The following USP13 variants were observed in gnomAD, a reference collection of about 807,000 sequenced individuals.
The protein encoded by USP13 is ubiquitin carboxyl-terminal hydrolase 13.
A neutral mutation model predicts 107.8 loss-of-function variants in USP13; 68 were observed. The ratio of observed to expected loss-of-function variants is 0.63; its 90% CI spans 0.52 to 0.77. The LOEUF (loss-of-function observed/expected upper bound fraction) is 0.77, where lower values mean the gene tolerates loss of function less well. USP13 is among the 30% of genes least tolerant of loss of function. The probability of loss-of-function intolerance (pLI) is 0.00; values close to 1 mark genes in which losing one functional copy is unlikely to be tolerated. For synonymous variants in USP13, 377 were observed against 389.5 expected, an observed-to-expected ratio of 0.97 and a Z score of 0.38; for missense variants, 945 against 1,093.3, an observed-to-expected ratio of 0.86 and a Z score of 1.91.
intron 1 of USP13, among the ~76,000 whole-genome samples, chr3:179,668,586 T>A (rs1346184593): frequency 6.6e-6 from 1 of 152,186 alleles, no homozygotes; most frequent in African/African-American, 2.4e-5. Context: ...AGACAAGGTC[T>A]CACTCTGTTG....
chr3:179,745,222 G>A lies in USP13; in HGVS notation c.1709+5G>A, dbSNP rs1334197197. 6.2e-7 allele frequency: 1 copy of A among 1,610,978 alleles called. No individual in the cohort carries two copies. The highest frequency in any genetic ancestry group is 1.1e-5 in the South Asian group (1 of 91,006). ...AGCAAAGTCTGCGGGTGTGAAGTAA[G>A]TGTGTGTATATGTGGTGGCAGTGGG... On this transcript the variant is annotated splice_donor_5th_base_variant and intron_variant, in intron 13 of 20. Coordinates refer to ENST00000263966, the MANE Select transcript of USP13 (RefSeq NM_003940.3).
chr3:179,718,785 A>T (rs1713197261), intron 6 of USP13, among the ~76,000 whole-genome samples: 2 of 150,908 alleles, frequency 1.3e-5, no homozygotes, highest in South Asian at 4.2e-4. Flanking sequence ...TTTTTTTGAG[A>T]TAGAGTCTCT....
At position 179,757,078 on chromosome 3, in the gene USP13, C is replaced by T. The variant is rs566223778; in HGVS notation, c.1948C>T (p.Pro650Ser). Residue 650 changes from proline (P) to serine (S), a missense_variant and splice_region_variant, in exon 16 of 21, where the codon CCA (proline) becomes TCA (serine). Pro to Ser is a moderately conservative substitution (Grantham distance 74). Coordinates refer to ENST00000263966, the MANE Select transcript of USP13 (RefSeq NM_003940.3). ...TCGCCTGATGAACCAATTGATAGACCGTATGTATCTTTAAAAATGTTTCTC... is the reference window on the plus strand; with the variant it reads ...TCGCCTGATGAACCAATTGATAGACTGTATGTATCTTTAAAAATGTTTCTC... ...KDRLMNQLID[P>S]SDIDESSVMQ... 33 of 1,613,682 alleles carry T rather than the reference C, an allele frequency of 2.0e-5. No homozygotes were observed. The highest frequency in any genetic ancestry group is 1.6e-4 in the South Asian group (15 of 91,034).
rs1048097323 is a variant in USP13 at position 179,683,243 on chromosome 3, G to T, written c.294+1240G>T. 2.7e-5 allele frequency among the ~76,000 whole-genome samples: 4 copies of T among 148,362 alleles called. No homozygotes were observed. The East Asian group carries it at 7.8e-4, about 29-fold the overall frequency. On this transcript the variant is annotated intron_variant, in intron 2 of 20. Transcript: ENST00000263966. ...ATTTCCTTTGAGTCTGTGGCTTGTC[G>T]TTTTACTTTGTTTATGAATTATTTT...
At chr3:179,687,825 G>A (rs142979989) in intron 2 of USP13, among the ~76,000 whole-genome samples, 115 of 151,938 alleles carry the variant, frequency 7.6e-4, no homozygotes, top group Middle Eastern at 3.4e-3. Flanking sequence ...AATCTCTGAT[G>A]TTTCTCCCTC....
chr3:179,769,818 C>T (rs1471118352), intron 19 of USP13, among the ~76,000 whole-genome samples: 1 of 152,340 alleles, frequency 6.6e-6, no homozygotes, highest in East Asian at 1.9e-4. Flanking sequence ...CTCCTTCCAT[C>T]CCTTCCTTCT....
At chr3:179,781,947 A>G (rs1715764615) in intron 20 of USP13, 124 bp downstream of exon 20, 1 of 838,800 alleles carries the variant, frequency 1.2e-6, no homozygotes, top group Non-Finnish European at 1.9e-6. Flanking sequence ...TGTAAAGGGT[A>G]TACTGTTAAC....
At chr3:179,727,504 T>A (rs866526758) in intron 8 of USP13, among the ~76,000 whole-genome samples, 1 of 114,150 alleles carries the variant, frequency 8.8e-6, no homozygotes, top group Non-Finnish European at 1.9e-5. Flanking sequence ...GATCAACAGG[T>A]TCCCAAGGCA....
chr3:179,713,413 A>G (rs1479293652), intron 6 of USP13, among the ~76,000 whole-genome samples: 2 of 152,194 alleles, frequency 1.3e-5, no homozygotes, highest in Admixed American at 6.5e-5. Context: ...GCTGTAACAT[A>G]TTGTTTATTT....
Position 179,653,537 on chromosome 3 carries a change from A to G in USP13, c.168+144A>G. The G allele has an allele frequency of 8.4e-7, 1 of 1,190,174 alleles. No homozygotes were observed. The highest frequency in any genetic ancestry group is 1.2e-6 in the Non-Finnish European group (1 of 866,398). The allele number at this position is 1,190,174 out of a possible 1,614,324, so 73.7% of individuals were successfully genotyped here. On this transcript the variant is annotated intron_variant, in intron 1 of 20. Coordinates refer to ENST00000263966, the MANE Select transcript of USP13 (RefSeq NM_003940.3). The surrounding 1 kb of genome is among the most constrained non-coding windows in gnomAD (Gnocchi z 4.0). ...GCTCAGGAACACTGCAGTTCGGCAG[A>G]CACTTAGTGAGCGCCCCAGGGCTGC...
intron 6 of USP13, among the ~76,000 whole-genome samples, chr3:179,715,044 T>C (rs1400988803): frequency 6.6e-6 from 1 of 151,734 alleles, no homozygotes; most frequent in East Asian, 1.9e-4. Flanking sequence ...ACTCGGCTAA[T>C]TTTTTTCCAT....
At chr3:179,752,178 C>A in intron 13 of USP13, 107 bp from the exon 14 acceptor site, 1 of 887,224 alleles carries the variant, frequency 1.1e-6, no homozygotes, top group Non-Finnish European at 1.8e-6. Flanking sequence ...TTCAGTTCAG[C>A]CATTGGAATG....
chr3:179,747,927 C>T (rs1376597949), intron 13 of USP13, among the ~76,000 whole-genome samples: 2 of 152,174 alleles, frequency 1.3e-5, no homozygotes, highest in Non-Finnish European at 2.9e-5. Flanking sequence ...CACACATGCT[C>T]TTGCATGTGC....
chr3:179,758,671 T>G (rs1369576727), intron 16 of USP13, among the ~76,000 whole-genome samples: 1 of 151,884 alleles, frequency 6.6e-6, no homozygotes, highest in Admixed American at 6.6e-5. Context: ...GCTCATTTTT[T>G]GTATTTTTAG....
At chr3:179,675,138 G>A (rs1031403154) in intron 1 of USP13, among the ~76,000 whole-genome samples, 2 of 150,942 alleles carry the variant, frequency 1.3e-5, no homozygotes, top group Non-Finnish European at 2.9e-5. Context: ...TCACGCCACT[G>A]TACTCCAGCC....
chr3:179,683,049 T>C (rs528600950), intron 2 of USP13, among the ~76,000 whole-genome samples: 6 of 152,144 alleles, frequency 3.9e-5, no homozygotes, highest in African/African-American at 1.2e-4. Flanking sequence ...CTTTGTACTT[T>C]CTATTCTGGT....
At chr3:179,656,030 G>A (rs1279906870) in intron 1 of USP13, among the ~76,000 whole-genome samples, 2 of 152,172 alleles carry the variant, frequency 1.3e-5, no homozygotes, top group Admixed American at 6.5e-5. Context: ...TAGGGAAAAG[G>A]CCAAAACCAG....
intron 19 of USP13, among the ~76,000 whole-genome samples, chr3:179,779,732 A>G (rs943701130): frequency 4.1e-4 from 63 of 151,886 alleles, no homozygotes; most frequent in Admixed American, 2.0e-3. Flanking sequence ...AAAAAAAAAA[A>G]AAAAAGAAAA....
In USP13 at chr3:179,714,536, C is replaced by G. The variant is rs578152314; in HGVS notation, c.806-5404C>G. On this transcript the variant is annotated intron_variant, in intron 6 of 20. Transcript: ENST00000263966. ...GGCCTAAGGCCACATTTCTTGGGCA[C>G]TGTTATATCTCTAGCATCTAGTAGT... Among the ~76,000 whole-genome samples the G allele has an allele frequency of 4.6e-5, 7 of 152,318 alleles. No individual in the cohort carries two copies. The South Asian group carries it at 1.2e-3, about 27-fold the overall frequency.
Sources: allele counts gnomAD v4.1 joint callset (sites outside exome capture counted in the v4.1 genomes callset), GRCh38; gene constraint gnomAD v4.1.1; non-coding constraint Gnocchi (gnomAD v3.1); transcripts MANE v1.5; gene names NCBI Gene and HGNC (gene_info 2026-07-23, HGNC 2026-07-21).